The following CNTN6 variants were observed in gnomAD, a reference collection of about 807,000 sequenced individuals.
CNTN6 encodes the protein contactin-6.
Under a neutral mutation model 122.8 loss-of-function variants are expected in CNTN6, and 137 were observed. The observed-to-expected ratio is 1.12, with a 90% CI of 0.97 to 1.29. CNTN6 has a LOEUF of 1.29. Among genes scored for constraint, CNTN6 ranks in the 50% most tolerant of loss-of-function variants. The pLI, the probability that CNTN6 is intolerant of heterozygous loss-of-function variation, is 0.00. For synonymous variants in CNTN6, 570 were observed against 426.0 expected, an observed-to-expected ratio of 1.34 and a Z score of -4.16; for missense variants, 1,634 against 1,223.4, an observed-to-expected ratio of 1.34 and a Z score of -5.01.
intron 12 of CNTN6, among the ~76,000 whole-genome samples, chr3:1,357,304 A>G (rs1455251194): frequency 6.6e-6 from 1 of 151,892 alleles, no homozygotes; most frequent in Non-Finnish European, 1.5e-5. Flanking sequence ...AAAGTGGTCA[A>G]TACACAGCCT....
At chr3:1,395,905 A>G (rs907350446) in intron 20 of CNTN6, among the ~76,000 whole-genome samples, 2 of 152,158 alleles carry the variant, frequency 1.3e-5, no homozygotes, top group Non-Finnish European at 2.9e-5. Flanking sequence ...AGGTTTTGTC[A>G]TGGCCTCTGT....
At chr3:1,276,514 C>T (rs184972814) in intron 4 of CNTN6, among the ~76,000 whole-genome samples, 1 of 152,266 alleles carries the variant, frequency 6.6e-6, no homozygotes, top group Admixed American at 6.5e-5. Context: ...TCACGATATG[C>T]TGCTTGCTAC....
At chr3:1,242,679 G>A (rs1049590168) in intron 4 of CNTN6, among the ~76,000 whole-genome samples, 18 of 152,124 alleles carry the variant, frequency 1.2e-4, no homozygotes, top group African/African-American at 2.7e-4. Flanking sequence ...AGAGGAAGAC[G>A]CGAAGGAGGC....
chr3:1,295,074 G>A (rs1392755848), intron 5 of CNTN6, among the ~76,000 whole-genome samples: 2 of 152,160 alleles, frequency 1.3e-5, no homozygotes, highest in African/African-American at 2.4e-5. Flanking sequence ...GCAACATAGT[G>A]AGACCCCATC....
At chr3:1,220,010 A>AAAAAGAAAAGAAAAAAGAAAT (rs1553630234) in intron 2 of CNTN6, among the ~76,000 whole-genome samples, 2 of 151,508 alleles carry the variant, frequency 1.3e-5, no homozygotes, top group Non-Finnish European at 2.9e-5. Flanking sequence ...TCAAAAAATA[A>AAAAAGAAAAGAAAAAAGAAAT]AAAGAAAATA....
chr3:1,370,900 G>A (rs1708920090), intron 12 of CNTN6, among the ~76,000 whole-genome samples: 1 of 151,684 alleles, frequency 6.6e-6, no homozygotes, highest in South Asian at 2.1e-4. Flanking sequence ...ATATAAATAT[G>A]GAAAGTATTT....
chr3:1,261,215 G>A (rs928024440), intron 4 of CNTN6, among the ~76,000 whole-genome samples: 6 of 152,074 alleles, frequency 3.9e-5, no homozygotes, highest in African/African-American at 1.4e-4. Context: ...CAATCTCTTT[G>A]GCTTTCTGTG....
intron 1 of CNTN6, among the ~76,000 whole-genome samples, chr3:1,117,510 T>G (rs1210518919): frequency 6.6e-6 from 1 of 152,174 alleles, no homozygotes; most frequent in Non-Finnish European, 1.5e-5. Flanking sequence ...TACTAAGTTC[T>G]TTAACATCTC....
chr3:1,333,131 G>A (rs968735365), intron 11 of CNTN6, among the ~76,000 whole-genome samples: 4 of 151,948 alleles, frequency 2.6e-5, no homozygotes, highest in Non-Finnish European at 4.4e-5. Context: ...ATTGGCATCA[G>A]ATTTCCAAAG....
chr3:1,206,260 C>G (rs561158047), intron 2 of CNTN6, among the ~76,000 whole-genome samples: 1 of 152,236 alleles, frequency 6.6e-6, no homozygotes, highest in South Asian at 2.1e-4. Context: ...TATCATCTGT[C>G]TCAGCTGATG....
chr3:1,160,666 A>T (rs908119178), intron 2 of CNTN6, among the ~76,000 whole-genome samples: 9 of 104,228 alleles, frequency 8.6e-5, no homozygotes, highest in African/African-American at 1.4e-4. Context: ...TGTACGTAAA[A>T]AAAAAAAAAA....
chr3:1,219,394 A>T (rs1384761361), intron 2 of CNTN6, among the ~76,000 whole-genome samples: 1 of 152,182 alleles, frequency 6.6e-6, no homozygotes, highest in African/African-American at 2.4e-5. Flanking sequence ...GGAGGAGAGG[A>T]TAGAGGGAAA....
intron 20 of CNTN6, among the ~76,000 whole-genome samples, chr3:1,390,679 A>AAAG (rs1445051651): frequency 6.6e-6 from 1 of 152,028 alleles, no homozygotes; most frequent in Non-Finnish European, 1.5e-5. Flanking sequence ...TAATAAAGAA[A>AAAG]AAGAGAAGAA....
chr3:1,300,494 A>G (rs1251599969), intron 7 of CNTN6, among the ~76,000 whole-genome samples: 35 of 132,306 alleles, frequency 2.6e-4, no homozygotes, highest in African/African-American at 1.1e-3. Flanking sequence ...GAAGGAAGGA[A>G]AAAGAAAAGA....
chr3:1,328,856 GC>G (rs1701889493), intron 10 of CNTN6, among the ~76,000 whole-genome samples: 1 of 151,590 alleles, frequency 6.6e-6, no homozygotes, highest in Non-Finnish European at 1.5e-5. Context: ...AGATTCAGAG[GC>G]ACCCTGATAG....
intron 4 of CNTN6, among the ~76,000 whole-genome samples, chr3:1,251,198 C>T (rs1575425064): frequency 6.6e-6 from 1 of 152,022 alleles, no homozygotes; most frequent in South Asian, 2.1e-4. Flanking sequence ...GTTTATCGAC[C>T]CATCTTAGCC....
intron 6 of CNTN6, among the ~76,000 whole-genome samples, chr3:1,296,209 T>C (rs567158759): frequency 4.0e-4 from 61 of 152,306 alleles, no homozygotes; most frequent in African/African-American, 1.4e-3. Context: ...TTTCCATATT[T>C]GCCCTTTTTT....
chr3:1,286,354 C>A (rs1350869546), intron 5 of CNTN6, among the ~76,000 whole-genome samples: 3 of 152,140 alleles, frequency 2.0e-5, no homozygotes, highest in South Asian at 2.1e-4. Context: ...CTTAGCCCCC[C>A]AACCCCCAGT....
rs2093278965 is a variant in CNTN6 at position 1,167,533 on chromosome 3, A to G, written c.55+19470A>G. Among the ~76,000 whole-genome samples, 5 of 152,220 alleles carry G rather than the reference A, an allele frequency of 3.3e-5. No homozygotes were observed. In the South Asian group the frequency reaches 1.0e-3, roughly 32 times the overall value. ...TGCCCCGTGAGTCACAATGATCATCACAAACAGCCATACGACATTTCCTAT... is the reference window on the plus strand; with the variant it reads ...TGCCCCGTGAGTCACAATGATCATCGCAAACAGCCATACGACATTTCCTAT... On this transcript the variant is annotated intron_variant, in intron 2 of 22. Transcript: ENST00000446702.
Sources: gnomAD v4.1 joint callset for allele counts (sites outside exome capture counted in the v4.1 genomes callset) on GRCh38, gnomAD v4.1.1 for gene constraint, MANE v1.5 for transcripts, NCBI Gene and HGNC (gene_info 2026-07-23, HGNC 2026-07-21) for gene names.